The following CNTN5 variants were observed in gnomAD, a reference collection of about 807,000 sequenced individuals.
CNTN5 encodes the protein contactin-5.
A neutral mutation model predicts 129.1 loss-of-function variants in CNTN5; 77 were observed. The observed-to-expected ratio is 0.60, with a 90% confidence interval of 0.50 to 0.72. The LOEUF (loss-of-function observed/expected upper bound fraction) is 0.72. CNTN5 is among the 30% of genes least tolerant of loss of function. CNTN5 has a pLI of 0.00. For synonymous variants in CNTN5, 509 were observed against 465.6 expected (o/e 1.09, Z -1.20); for missense variants, 1,478 against 1,328.8 (o/e 1.11, Z -1.75).
intron 3 of CNTN5, among the ~76,000 whole-genome samples, chr11:99,659,169 A>G (rs1386030589): frequency 1.3e-5 from 2 of 152,180 alleles, no homozygotes; most frequent in African/African-American, 4.8e-5. Flanking sequence ...CCAAGCTGGC[A>G]GCAGCCATAT....
intron 10 of CNTN5, among the ~76,000 whole-genome samples, chr11:100,067,768 A>T (rs1943752248): frequency 6.6e-6 from 1 of 152,058 alleles, no homozygotes; most frequent in Admixed American, 6.6e-5. Context: ...CTTACAGCAA[A>T]CAGATATGAT....
intron 3 of CNTN5, among the ~76,000 whole-genome samples, chr11:99,601,747 C>T (rs1950318163): frequency 6.6e-6 from 1 of 152,214 alleles, no homozygotes; most frequent in Non-Finnish European, 1.5e-5. Context: ...CAGTAGGATA[C>T]TGGCTTCCTC....
rs114921350 is a variant in CNTN5 at position 99,055,929 on chromosome 11, C to T, written c.-210+34659C>T. 4.8e-3 allele frequency among the ~76,000 whole-genome samples: 735 copies of T among 151,990 alleles called. 5 individuals carry two copies. The highest frequency in any genetic ancestry group is 0.017 in the African/African-American group (702 of 41,490). On this transcript the variant is annotated intron_variant, in intron 1 of 24. Transcript: ENST00000524871. ...AATGTTGCCTTTGGGTTGTCTCCTT[C>T]GGTTTCAATTTCAAGGCTTGCATGC...
chr11:99,824,669 A>C (rs1438231825), intron 4 of CNTN5, among the ~76,000 whole-genome samples: 1 of 151,762 alleles, frequency 6.6e-6, no homozygotes, highest in Non-Finnish European at 1.5e-5. Flanking sequence ...TTTTACCTTA[A>C]ATTTTTATTT....
rs1407773594 is a variant in CNTN5, at chr11:99,598,363, T to C, written c.55+42094T>C. Among the ~76,000 whole-genome samples the C allele has an allele frequency of 5.3e-3, 151 of 28,422 alleles. 20 individuals carry two copies. The East Asian group carries it at 0.098, about 19-fold the overall frequency. 18.6% of individuals were successfully genotyped at this position (28,422 alleles called of 152,430 possible). On this transcript the variant is annotated intron_variant, in intron 3 of 24. Transcript: ENST00000524871. ...CTCTCTCTCTCTCTCTCTCTCTCTC[T>C]CTCTCTCTCTCCCTCTCTCTCTCTG... is the stretch of plus-strand genomic sequence containing the variant.
intron 16 of CNTN5, among the ~76,000 whole-genome samples, chr11:100,251,796 C>T (rs996999718): frequency 6.6e-5 from 10 of 152,124 alleles, no homozygotes; most frequent in African/African-American, 2.4e-4. Context: ...ATATATATCA[C>T]ATTTTCTTTA....
intron 1 of CNTN5, among the ~76,000 whole-genome samples, chr11:99,169,000 G>A (rs543634847): frequency 1.3e-4 from 20 of 152,194 alleles, no homozygotes; most frequent in South Asian, 2.1e-4. Flanking sequence ...TTCTTTCTTC[G>A]CACAACTGAC....
In CNTN5 at chr11:100,334,752, A is replaced by T. The variant is rs565140005; in HGVS notation, c.2731-5711A>T. ...ATGAAGATGCAAAGTTATAAGAATG[A>T]CATGTTAGACTTTGGGGATTCAGGA... is the stretch of plus-strand genomic sequence containing the variant. On this transcript the variant is annotated intron_variant, in intron 21 of 24. Transcript: ENST00000524871. 1.2e-3 allele frequency among the ~76,000 whole-genome samples: 179 copies of T among 152,244 alleles called. No homozygotes were observed. The Middle Eastern group carries it at 0.017, about 14-fold the overall frequency.
At chr11:99,673,492 C>A (rs1953136946) in intron 3 of CNTN5, among the ~76,000 whole-genome samples, 1 of 152,088 alleles carries the variant, frequency 6.6e-6, no homozygotes, top group South Asian at 2.1e-4. Context: ...AGGTTTGTTA[C>A]ATAGGTAAAG....
At chr11:99,313,573 T>G (rs1240410931) in intron 1 of CNTN5, among the ~76,000 whole-genome samples, 1 of 152,040 alleles carries the variant, frequency 6.6e-6, no homozygotes, top group Non-Finnish European at 1.5e-5. Context: ...TCCAGTGAAT[T>G]TAATTTACCA....
At chr11:100,021,953 C>T (rs1161618946) in intron 9 of CNTN5, among the ~76,000 whole-genome samples, 3 of 152,164 alleles carry the variant, frequency 2.0e-5, no homozygotes, top group African/African-American at 7.2e-5. Context: ...TTGGAGGACT[C>T]AGCAAGACAG....
At chr11:99,474,647 G>C (rs1945300925) in intron 2 of CNTN5, among the ~76,000 whole-genome samples, 1 of 151,870 alleles carries the variant, frequency 6.6e-6, no homozygotes, top group Non-Finnish European at 1.5e-5. Flanking sequence ...TTAATTTATG[G>C]AGAACACCCA....
At chr11:100,208,984 C>G (rs150231422) in intron 15 of CNTN5, among the ~76,000 whole-genome samples, 141 of 152,254 alleles carry the variant, frequency 9.3e-4, no homozygotes, top group African/African-American at 3.2e-3. Context: ...CTAGTCCAAG[C>G]TATGTCGCGT....
intron 8 of CNTN5, among the ~76,000 whole-genome samples, chr11:99,990,257 G>C (rs940841691): frequency 5.9e-5 from 9 of 152,042 alleles, no homozygotes; most frequent in African/African-American, 2.2e-4. Flanking sequence ...AAGAAAATAA[G>C]TCTTAAAATT....
intron 16 of CNTN5, among the ~76,000 whole-genome samples, chr11:100,243,876 G>T (rs966016387): frequency 6.6e-6 from 1 of 152,006 alleles, no homozygotes; most frequent in African/African-American, 2.4e-5. Flanking sequence ...AGTATGATCA[G>T]AATGTATTTC....
chr11:99,614,202 G>A (rs1354656740), intron 3 of CNTN5, among the ~76,000 whole-genome samples: 1 of 152,112 alleles, frequency 6.6e-6, no homozygotes, highest in African/African-American at 2.4e-5. Flanking sequence ...ACTCCTATGT[G>A]CTTGTTTTTA....
chr11:99,458,709 T>C (rs1944581249), intron 2 of CNTN5, among the ~76,000 whole-genome samples: 1 of 151,964 alleles, frequency 6.6e-6, no homozygotes, highest in Non-Finnish European at 1.5e-5. Context: ...AAGAAGAACA[T>C]ACTATGGAAC....
At chr11:100,019,781 C>T (rs1941029794) in intron 9 of CNTN5, among the ~76,000 whole-genome samples, 1 of 151,978 alleles carries the variant, frequency 6.6e-6, no homozygotes, top group Non-Finnish European at 1.5e-5. Context: ...TCCATGAAGG[C>T]TATACCAATT....
chr11:99,433,438 AC>A (rs1943481737), intron 2 of CNTN5, among the ~76,000 whole-genome samples: 1 of 148,838 alleles, frequency 6.7e-6, no homozygotes, highest in South Asian at 2.1e-4. Flanking sequence ...TTATAGTTAA[AC>A]TTTTAGGTTT....
Sources: gnomAD v4.1 joint callset for allele counts (sites outside exome capture counted in the v4.1 genomes callset) on GRCh38, gnomAD v4.1.1 for gene constraint, MANE v1.5 for transcripts, NCBI Gene and HGNC (gene_info 2026-07-23, HGNC 2026-07-21) for gene names.